LHX8: variants seen among roughly 807,000 people sequenced by gnomAD.
The protein encoded by LHX8 is LIM/homeobox protein Lhx8.
In LHX8, 12 loss-of-function variants were observed where a neutral mutation model predicts 40.3. The ratio of observed to expected loss-of-function variants is 0.30; its 90% CI spans 0.19 to 0.48. The LOEUF (loss-of-function observed/expected upper bound fraction) is 0.48. Ranked by LOEUF, LHX8 falls within the 20% of genes least tolerant of loss-of-function variation. The probability of loss-of-function intolerance (pLI) is 0.99; values close to 1 mark genes in which losing one functional copy is unlikely to be tolerated. For missense variants in LHX8, 344 were observed against 433.7 expected, an observed-to-expected ratio of 0.79 and a Z score of 1.84; for synonymous variants, 179 against 162.0, an observed-to-expected ratio of 1.10 and a Z score of -0.80.
the LHX8 span, among the ~76,000 whole-genome samples, chr1:75,167,140 G>A: frequency 1.3e-5 from 2 of 152,190 alleles, no homozygotes; most frequent in South Asian, 4.1e-4. Flanking sequence ...TAGGGCTGAA[G>A]CTACATTACA....
chr1:75,172,426 A>T, the LHX8 span, among the ~76,000 whole-genome samples: 1 of 152,246 alleles, frequency 6.6e-6, no homozygotes, highest in Non-Finnish European at 1.5e-5. Flanking sequence ...GCTTCCTTTG[A>T]CACAACATAA....
upstream of LHX8, chr1:75,130,959 G>A (rs1647944964): frequency 4.8e-6 from 3 of 619,204 alleles, no homozygotes; most frequent in South Asian, 5.4e-5. Context: ...TCTTATGATC[G>A]CGAAAGTCTC....
rs1648909554 is a variant in LHX8 at position 75,161,210 on chromosome 1, T to C, written c.*315T>C. The C allele has an allele frequency of 1.4e-5, 4 of 288,816 alleles. No individual in the cohort carries two copies. In the South Asian group the frequency reaches 1.8e-4, roughly 13 times the overall value. The allele number at this position is 288,816 out of a possible 1,614,324, so 17.9% of individuals were successfully genotyped here. ...GAGCACTTTGCCTAAAAGAAAGGACTGACAAGTGTGCAAAATGTTTACAAT... is the reference window on the plus strand; with the variant it reads ...GAGCACTTTGCCTAAAAGAAAGGACCGACAAGTGTGCAAAATGTTTACAAT... On this transcript the variant is annotated 3_prime_UTR_variant, in exon 9 of 9. Coordinates refer to ENST00000356261, the MANE Select transcript of LHX8 (RefSeq NM_001256114.2).
chr1:75,161,075 A>G lies in LHX8; in HGVS notation c.*180A>G, dbSNP rs1278249306. The G allele has an allele frequency of 1.7e-6, 1 of 584,396 alleles. No homozygotes were observed. The highest frequency in any genetic ancestry group is 3.0e-6 in the Non-Finnish European group (1 of 329,272). The allele number at this position is 584,396 out of a possible 1,614,324, so 36.2% of individuals were successfully genotyped here. ...TGCAAGACACTTTTATTAATTCTTC[A>G]TTTTTTGTAAAACTTATGTTTACAA... On this transcript the variant is annotated 3_prime_UTR_variant, in exon 9 of 9. Transcript: ENST00000356261.
the LHX8 span, among the ~76,000 whole-genome samples, chr1:75,173,621 A>C: frequency 1.3e-5 from 2 of 152,012 alleles, no homozygotes; most frequent in African/African-American, 4.8e-5. Context: ...TGACCTCGTG[A>C]TCTGCCCGCC....
downstream of LHX8, among the ~76,000 whole-genome samples, chr1:75,164,154 T>C (rs1648985662): frequency 6.6e-6 from 1 of 152,256 alleles, no homozygotes; most frequent in Non-Finnish European, 1.5e-5. Context: ...TTTATTATTA[T>C]GAATAGAGCC....
chr1:75,159,639 A>C (rs1046192477), intron 8 of LHX8: 1 of 152,118 alleles, frequency 6.6e-6, no homozygotes, highest in Non-Finnish European at 1.5e-5. Context: ...GATAACTCCA[A>C]TATCTGGATC....
intron 1 of LHX8, 90 bp from the exon 2 acceptor site, chr1:75,136,513 A>T: frequency 1.0e-6 from 1 of 991,048 alleles, no homozygotes; most frequent in Non-Finnish European, 1.5e-6. Context: ...GGCCTTCATT[A>T]GCTCGCTCCC....
At chr1:75,183,153 T>C in the LHX8 span, 1 of 152,130 alleles carries the variant, frequency 6.6e-6, no homozygotes, top group Non-Finnish European at 1.5e-5. Context: ...TTTTTAATCA[T>C]TGGCATCCCT....
At chr1:75,179,713 T>C in the LHX8 span, among the ~76,000 whole-genome samples, 2 of 152,150 alleles carry the variant, frequency 1.3e-5, no homozygotes, top group South Asian at 2.1e-4. Context: ...TTGTTATGTG[T>C]GAATTTGATC....
the LHX8 span, among the ~76,000 whole-genome samples, chr1:75,186,000 A>G: frequency 6.6e-6 from 1 of 152,178 alleles, no homozygotes; most frequent in Non-Finnish European, 1.5e-5. Context: ...GAGGTAAAAG[A>G]TCTCTACCTT....
At chr1:75,192,339 G>A in the LHX8 span, among the ~76,000 whole-genome samples, 1 of 152,166 alleles carries the variant, frequency 6.6e-6, no homozygotes, top group Non-Finnish European at 1.5e-5. Flanking sequence ...TTTTCCTACA[G>A]AACCATTTGC....
Position 75,148,657 on chromosome 1 carries a change from C to T in LHX8, c.755C>T (p.Thr252Ile). Residue 252 changes from threonine to isoleucine, a missense_variant, in exon 7 of 9, where the codon ACA becomes ATA. Coordinates refer to ENST00000356261, the MANE Select transcript of LHX8 (RefSeq NM_001256114.2). ...AQTLQKLAER[T>I]GLSRRVIQVW... is the part of the protein sequence containing the mutation. ...ACACTCCAGAAATTGGCAGAAAGGA[C>T]AGGCTTGAGCAGACGTGTGATACAG... 6.2e-7 allele frequency: 1 copy of T among 1,613,004 alleles called. No homozygotes were observed. Among genetic ancestry groups the T allele is most frequent in the Non-Finnish European group, 8.5e-7 (1 of 1,179,388 alleles).
At chr1:75,151,684 G>A (rs950968374) in intron 7 of LHX8, among the ~76,000 whole-genome samples, 2 of 152,138 alleles carry the variant, frequency 1.3e-5, no homozygotes, top group South Asian at 4.1e-4. Context: ...AGGTAGTTCC[G>A]ACTCCACGGG....
chr1:75,175,803 C>T, the LHX8 span, among the ~76,000 whole-genome samples: 5 of 152,026 alleles, frequency 3.3e-5, no homozygotes, highest in Non-Finnish European at 7.4e-5. Context: ...GGTATTTCTC[C>T]TAATGCTATC....
At chr1:75,180,669 G>A in the LHX8 span, among the ~76,000 whole-genome samples, 22 of 152,234 alleles carry the variant, frequency 1.4e-4, no homozygotes, top group East Asian at 3.7e-3. Flanking sequence ...TGTTATTACC[G>A]ACTTTCTGAA....
At chr1:75,189,889 C>T in the LHX8 span, among the ~76,000 whole-genome samples, 1 of 152,174 alleles carries the variant, frequency 6.6e-6, no homozygotes, top group African/African-American at 2.4e-5. Flanking sequence ...TACTGAATGA[C>T]TATTGGCCAT....
chr1:75,130,765 C>T, upstream of LHX8: 1 of 1,608,032 alleles, frequency 6.2e-7, no homozygotes, highest in Non-Finnish European at 8.5e-7. Flanking sequence ...TAGAAGCAAT[C>T]TCCTAAAGTC....
intron 6 of LHX8, among the ~76,000 whole-genome samples, chr1:75,144,217 T>C (rs1197316451): frequency 6.6e-6 from 1 of 152,190 alleles, no homozygotes; most frequent in Non-Finnish European, 1.5e-5. Flanking sequence ...ACAAAGTATT[T>C]TGTCCTGACT....
Sources: allele counts gnomAD v4.1 joint callset (sites outside exome capture counted in the v4.1 genomes callset), GRCh38; gene constraint gnomAD v4.1.1; transcripts MANE v1.5; gene names NCBI Gene and HGNC (gene_info 2026-07-23, HGNC 2026-07-21).